Variants in SEM1 observed in about 807,000 individuals in gnomAD.
The protein encoded by SEM1 is 26S proteasome complex subunit SEM1.
SEM1 carries 3 observed loss-of-function variants against 12.7 expected under a neutral mutation model. The observed-to-expected ratio is 0.24, with a 90% CI of 0.11 to 0.61. SEM1 has a LOEUF of 0.61. Among genes scored for constraint, SEM1 ranks in the 20% least tolerant of loss-of-function variants. The pLI is 0.88. For synonymous variants in SEM1, 30 were observed against 27.8 expected, an observed-to-expected ratio of 1.08 and a Z score of -0.25; for missense variants, 59 against 81.3, an observed-to-expected ratio of 0.73 and a Z score of 1.06.
At chr7:96,489,669 C>A (rs1004745434) in intron 1 of SEM1, among the ~76,000 whole-genome samples, 4 of 152,148 alleles carry the variant, frequency 2.6e-5, no homozygotes, top group Non-Finnish European at 5.9e-5. Flanking sequence ...TCTGGAAGTA[C>A]CAAGTCAGTG....
intron 2 of SEM1, among the ~76,000 whole-genome samples, chr7:96,599,991 G>A (rs1033336154): frequency 4.6e-5 from 7 of 152,292 alleles, no homozygotes; most frequent in Non-Finnish European, 7.3e-5. Context: ...AGGAACACGC[G>A]AGTCTGTTGC....
intron 2 of SEM1, among the ~76,000 whole-genome samples, chr7:96,556,258 G>A (rs1283363576): frequency 1.9e-4 from 28 of 151,098 alleles, no homozygotes; most frequent in East Asian, 1.8e-3. Context: ...TATTTTGCTC[G>A]TTAGTTGATG....
intron 2 of SEM1, among the ~76,000 whole-genome samples, chr7:96,637,922 C>A (rs563057787): frequency 7.9e-5 from 12 of 152,078 alleles, no homozygotes; most frequent in Admixed American, 7.9e-4. Context: ...TCTCTACCCA[C>A]CCTCACCTTC....
chr7:96,631,499 G>A (rs945591591), intron 2 of SEM1, among the ~76,000 whole-genome samples: 5 of 149,296 alleles, frequency 3.3e-5, no homozygotes, highest in Non-Finnish European at 7.5e-5. Context: ...GGATGAGGGA[G>A]GGGTGGTGTC....
At chr7:96,681,594 T>C (rs921025099) in intron 2 of SEM1, among the ~76,000 whole-genome samples, 5 of 152,182 alleles carry the variant, frequency 3.3e-5, no homozygotes, top group African/African-American at 1.2e-4. Context: ...GTTTCAGCTT[T>C]CTATGTATGG....
At chr7:96,531,414 T>TAA (rs879467250) in intron 2 of SEM1, among the ~76,000 whole-genome samples, 3 of 128,060 alleles carry the variant, frequency 2.3e-5, no homozygotes, top group Non-Finnish European at 3.3e-5. Flanking sequence ...ATAAAAAATA[T>TAA]AAAAAAAAAA....
chr7:96,573,276 C>T (rs577430049), intron 2 of SEM1, among the ~76,000 whole-genome samples: 3 of 152,206 alleles, frequency 2.0e-5, no homozygotes, highest in African/African-American at 7.2e-5. Flanking sequence ...GGGCATTTAG[C>T]CCATTTACAT....
intron 2 of SEM1, among the ~76,000 whole-genome samples, chr7:96,544,338 C>T (rs1805041386): frequency 6.6e-6 from 1 of 151,896 alleles, no homozygotes; most frequent in Non-Finnish European, 1.5e-5. Context: ...TATGTTTCTA[C>T]CTCTGTAAAA....
downstream of SEM1, among the ~76,000 whole-genome samples, chr7:96,669,116 A>C (rs1450132041): frequency 6.6e-6 from 1 of 152,074 alleles, no homozygotes; most frequent in Non-Finnish European, 1.5e-5. Flanking sequence ...TGCAGCAATA[A>C]ATTTCTGTTG....
At chr7:96,671,426 G>A (rs1402862510), downstream of SEM1, among the ~76,000 whole-genome samples, 1 of 152,060 alleles carries the variant, frequency 6.6e-6, no homozygotes, top group African/African-American at 2.4e-5. Context: ...ACTAGATCTA[G>A]AGGTAAAAAT....
chr7:96,708,130 G>GT, intron 1 of SEM1: 1 of 152,190 alleles, frequency 6.6e-6, no homozygotes, highest in Non-Finnish European at 1.5e-5. Context: ...TTAAGTTTGA[G>GT]TAAGAAGTAG....
chr7:96,607,369 G>A (rs1392321862), intron 2 of SEM1, among the ~76,000 whole-genome samples: 1 of 152,172 alleles, frequency 6.6e-6, no homozygotes, highest in African/African-American at 2.4e-5. Context: ...CAAATTGGAA[G>A]GGAACCACTT....
Position 96,545,887 on chromosome 7 carries a change from A to T in SEM1, c.171-39189T>A, listed in dbSNP as rs1189474369. ...TGTCTAGCTTACATTCCCATAGTTG[A>T]TATAGCAATGCTATCAGCTGAGGAG... On this transcript the variant is annotated intron_variant and NMD_transcript_variant, in intron 2 of 3. Transcript: ENST00000466986. Among the ~76,000 whole-genome samples the T allele has an allele frequency of 3.9e-5, 6 of 152,226 alleles. No individual in the cohort carries two copies. In the East Asian group the frequency reaches 9.7e-4, roughly 25 times the overall value.
At chr7:96,489,432 A>C (rs1802912376) in intron 1 of SEM1, among the ~76,000 whole-genome samples, 1 of 152,160 alleles carries the variant, frequency 6.6e-6, no homozygotes, top group African/African-American at 2.4e-5. Context: ...GTTGATGCTG[A>C]TGCTAATGAA....
chr7:96,496,999 G>A (rs1305656889), upstream of SEM1, among the ~76,000 whole-genome samples: 4 of 137,350 alleles, frequency 2.9e-5, no homozygotes, highest in Admixed American at 1.4e-4. Context: ...ACATGCGCAC[G>A]AGCACGTATA....
intron 1 of SEM1, among the ~76,000 whole-genome samples, chr7:96,700,609 T>A (rs1297889004): frequency 6.6e-6 from 1 of 152,182 alleles, no homozygotes; most frequent in Non-Finnish European, 1.5e-5. Context: ...CTGTATACAG[T>A]TTTTGAAACT....
At chr7:96,567,616 G>A (rs533305085) in intron 2 of SEM1, among the ~76,000 whole-genome samples, 11 of 151,416 alleles carry the variant, frequency 7.3e-5, no homozygotes, top group African/African-American at 2.4e-4. Flanking sequence ...TCACCACTCA[G>A]CACAATGCAG....
At chr7:96,512,215 A>G (rs2117302274) in intron 2 of SEM1, among the ~76,000 whole-genome samples, 1 of 152,178 alleles carries the variant, frequency 6.6e-6, no homozygotes, top group Admixed American at 6.5e-5. Flanking sequence ...TTGAGTTTTG[A>G]GAATAGAGTA....
At chr7:96,522,956 C>T (rs1442779902) in intron 2 of SEM1, among the ~76,000 whole-genome samples, 4 of 149,562 alleles carry the variant, frequency 2.7e-5, no homozygotes, top group African/African-American at 7.4e-5. Context: ...TACCATTCTT[C>T]TTGGATCCCA....
Sources: allele counts gnomAD v4.1 joint callset (sites outside exome capture counted in the v4.1 genomes callset), GRCh38; gene constraint gnomAD v4.1.1; transcripts MANE v1.5; gene names NCBI Gene and HGNC (gene_info 2026-07-23, HGNC 2026-07-21).